Variants in RHOA observed in about 807,000 individuals in gnomAD.
RHOA encodes transforming protein RhoA.
A neutral mutation model predicts 17.5 loss-of-function variants in RHOA; 3 were observed. That is an observed-to-expected ratio of 0.17 (90% CI 0.08 to 0.44). RHOA has a LOEUF of 0.44. Among genes scored for constraint, RHOA ranks in the 20% least tolerant of loss-of-function variants. The pLI is 0.99. For synonymous variants in RHOA, 98 were observed against 88.4 expected (o/e 1.11, Z -0.61); for missense variants, 56 against 242.3 (o/e 0.23, Z 5.10).
At chr3:49,371,427 C>T (rs554585662) in intron 2 of RHOA, among the ~76,000 whole-genome samples, 19 of 152,036 alleles carry the variant, frequency 1.2e-4, no homozygotes, top group Middle Eastern at 3.4e-3. Flanking sequence ...TTACAAGTGC[C>T]TGCCACCACG....
chr3:49,406,377 A>G (rs553058153), intron 1 of RHOA, among the ~76,000 whole-genome samples: 2 of 152,220 alleles, frequency 1.3e-5, no homozygotes, highest in Non-Finnish European at 2.9e-5. Context: ...AAATGTATAC[A>G]TAACAAAAGT....
At chr3:49,386,996 A>C (rs1048315616) in intron 1 of RHOA, among the ~76,000 whole-genome samples, 1 of 151,354 alleles carries the variant, frequency 6.6e-6, no homozygotes, top group African/African-American at 2.4e-5. Context: ...GGGTGCCTGT[A>C]ATCCCAGCTA....
Position 49,375,752 on chromosome 3 carries a change from T to C in RHOA, c.-2-161A>G, listed in dbSNP as rs142126719. Among the ~76,000 whole-genome samples the C allele has an allele frequency of 4.0e-3, 609 of 152,214 alleles. 4 individuals carry two copies. The highest frequency in any genetic ancestry group is 9.8e-3 in the Admixed American group (150 of 15,264). On this transcript the variant is annotated intron_variant, in intron 1 of 4. Transcript: ENST00000418115. The stretch of plus-strand genomic sequence containing the variant: ...CCACCTGGCACCAAAAGGTTATACA[T>C]TAAAAACTCGTAACTAACATTATAC...
intron 4 of RHOA, among the ~76,000 whole-genome samples, chr3:49,362,109 C>G (rs551877494): frequency 6.6e-6 from 1 of 151,694 alleles, no homozygotes; most frequent in Non-Finnish European, 1.5e-5. Context: ...ATCGCTTGAA[C>G]CCCGGAGGCG....
chr3:49,376,572 G>C (rs900532199), intron 1 of RHOA, among the ~76,000 whole-genome samples: 3 of 145,660 alleles, frequency 2.1e-5, no homozygotes, highest in African/African-American at 7.7e-5. Flanking sequence ...GAACCCAGGA[G>C]ACAGAGCTTG....
In RHOA at chr3:49,362,115, A is replaced by C. The variant is rs142782307; in HGVS notation, c.408+381T>G. Among the ~76,000 whole-genome samples, 105 of 151,282 alleles carry C rather than the reference A, an allele frequency of 6.9e-4. 1 individual carries two copies. In the East Asian group the frequency reaches 0.02, roughly 29 times the overall value. On this transcript the variant is annotated intron_variant, in intron 4 of 4. Transcript: ENST00000418115. ...GGCAGAAGAATCGCTTGAACCCCGG[A>C]GGCGGAGGTTGCAGTGAGCTGAGAT...
intron 1 of RHOA, among the ~76,000 whole-genome samples, chr3:49,388,186 T>C (rs1453560285): frequency 6.6e-6 from 1 of 151,792 alleles, no homozygotes; most frequent in Non-Finnish European, 1.5e-5. Context: ...TTTTTTCTAT[T>C]TGTGTGGGTG....
intron 1 of RHOA, among the ~76,000 whole-genome samples, chr3:49,381,280 C>T (rs1429157453): frequency 1.3e-5 from 2 of 151,778 alleles, no homozygotes; most frequent in African/African-American, 4.8e-5. Context: ...TGGCATGTAC[C>T]CATAATCCCG....
At chr3:49,397,450 T>C (rs2048635993) in intron 1 of RHOA, among the ~76,000 whole-genome samples, 1 of 152,130 alleles carries the variant, frequency 6.6e-6, no homozygotes, top group Admixed American at 6.6e-5. Flanking sequence ...TCATTTCAAA[T>C]GAATGGTGTG....
At chr3:49,366,592 G>C (rs1046247720) in intron 3 of RHOA, 1 of 152,156 alleles carries the variant, frequency 6.6e-6, no homozygotes, top group Non-Finnish European at 1.5e-5. Flanking sequence ...AACAGAGCGA[G>C]ACCCCGCCTC....
intron 1 of RHOA, among the ~76,000 whole-genome samples, chr3:49,408,241 T>C (rs2048870491): frequency 6.7e-6 from 1 of 150,180 alleles, no homozygotes; most frequent in Non-Finnish European, 1.5e-5. Context: ...CGTATACACG[T>C]ATATGTACAC....
intron 1 of RHOA, among the ~76,000 whole-genome samples, chr3:49,396,724 G>A (rs1010721138): frequency 1.3e-5 from 2 of 151,810 alleles, no homozygotes; most frequent in Admixed American, 6.6e-5. Context: ...AAGTCAGGCC[G>A]GGTGCAGTTA....
intron 3 of RHOA, among the ~76,000 whole-genome samples, chr3:49,363,248 C>A (rs1035138682): frequency 7.2e-5 from 11 of 151,738 alleles, no homozygotes; most frequent in African/African-American, 2.4e-4. Flanking sequence ...GAAACCCCGT[C>A]TCTACTAAAA....
At chr3:49,393,676 C>CTCTGTGTGTGTGTG (rs1407688604) in intron 1 of RHOA, among the ~76,000 whole-genome samples, 1 of 10,360 alleles carries the variant, frequency 9.7e-5, no homozygotes, top group African/African-American at 2.4e-4. Context: ...AATTCTCTCT[C>CTCTGTGTGTGTGTG]TGTGTGTGTG....
chr3:49,403,620 G>C (rs903551518), intron 1 of RHOA, among the ~76,000 whole-genome samples: 3 of 151,962 alleles, frequency 2.0e-5, no homozygotes, highest in South Asian at 2.1e-4. Flanking sequence ...CCAGCTACTC[G>C]GGAGGCTAAA....
chr3:49,377,315 G>A (rs904975757), intron 1 of RHOA, among the ~76,000 whole-genome samples: 1 of 151,792 alleles, frequency 6.6e-6, no homozygotes, highest in African/African-American at 2.4e-5. Context: ...GAAAAGGGCC[G>A]GGCGCAGTGG....
chr3:49,387,749 AAAAC>A (rs2048425391), intron 1 of RHOA, among the ~76,000 whole-genome samples: 1 of 137,136 alleles, frequency 7.3e-6, no homozygotes. Flanking sequence ...TCAAAAAAAA[AAAAC>A]AAAAAAAAAA....
At chr3:49,389,918 C>CA (rs1339516866) in intron 1 of RHOA, among the ~76,000 whole-genome samples, 1 of 105,964 alleles carries the variant, frequency 9.4e-6, no homozygotes, top group African/African-American at 3.8e-5. Context: ...GCCTGGGCAA[C>CA]AGAGTGAGAC....
chr3:49,375,146 G>C (rs1052976395), intron 2 of RHOA, among the ~76,000 whole-genome samples: 10 of 151,974 alleles, frequency 6.6e-5, no homozygotes, highest in Non-Finnish European at 1.5e-4. Context: ...TGTAATCCCT[G>C]CTATTTGGGA....
Sources: allele counts gnomAD v4.1 joint callset (sites outside exome capture counted in the v4.1 genomes callset), GRCh38; gene constraint gnomAD v4.1.1; transcripts MANE v1.5; gene names NCBI Gene and HGNC (gene_info 2026-07-23, HGNC 2026-07-21).